The following TRPM8 variants were observed in gnomAD, a reference collection of about 807,000 sequenced individuals.
TRPM8 encodes transient receptor potential cation channel subfamily M member 8.
TRPM8 carries 110 observed loss-of-function variants against 133.7 expected under a neutral mutation model. The ratio of observed to expected loss-of-function variants is 0.82; its 90% confidence interval spans 0.70 to 0.96. The LOEUF (loss-of-function observed/expected upper bound fraction) is 0.96. TRPM8 is among the 40% of genes least tolerant of loss of function. The pLI is 0.00. For synonymous variants in TRPM8, 535 were observed against 532.3 expected (o/e 1.01, Z -0.07); for missense variants, 1,291 against 1,379.5 (o/e 0.94, Z 1.02).
intron 21 of TRPM8, among the ~76,000 whole-genome samples, chr2:233,990,658 T>C (rs373658742): frequency 1.7e-4 from 26 of 152,278 alleles, no homozygotes; most frequent in African/African-American, 5.5e-4. Context: ...AATGTGGGGA[T>C]TTTTCTCTTC....
Position 233,970,388 on chromosome 2 carries a change from T to C in TRPM8, c.2317T>C (p.Ser773Pro). ...VPHPPELVLY[S>P]LVFVLFCDEV... ...ACACCCCCCCGAGCTGGTCCTGTAC[T>C]CGCTGGTCTTTGTCCTCTTCTGTGA... Residue 773 changes from serine (S) to proline (P), a missense_variant, in exon 17 of 26, where the codon TCG (serine) becomes CCG (proline). Coordinates refer to ENST00000324695, the MANE Select transcript of TRPM8 (RefSeq NM_024080.5). 6.2e-7 allele frequency: 1 copy of C among 1,614,132 alleles called. No homozygotes were observed. The highest frequency in any genetic ancestry group is 1.1e-5 in the South Asian group (1 of 91,076).
intron 2 of TRPM8, among the ~76,000 whole-genome samples, chr2:233,929,906 T>C (rs1574693600): frequency 6.6e-6 from 1 of 152,242 alleles, no homozygotes; most frequent in East Asian, 1.9e-4. Flanking sequence ...TTGCATTTGC[T>C]CATTCTGAAT....
At chr2:233,958,836 A>G (rs1691358184) in intron 11 of TRPM8, among the ~76,000 whole-genome samples, 1 of 152,174 alleles carries the variant, frequency 6.6e-6, no homozygotes, top group Non-Finnish European at 1.5e-5. Flanking sequence ...TGCTGTGGGC[A>G]GAAGACATCC....
intron 17 of TRPM8, 25 bp downstream of exon 17, chr2:233,970,451 C>A: frequency 6.2e-7 from 1 of 1,604,868 alleles, no homozygotes; most frequent in Non-Finnish European, 8.5e-7. Context: ...ACAGCAGGAA[C>A]CCCCTCGCTT....
intron 11 of TRPM8, among the ~76,000 whole-genome samples, chr2:233,958,582 T>C (rs889705639): frequency 1.3e-5 from 2 of 152,178 alleles, no homozygotes; most frequent in Non-Finnish European, 2.9e-5. Context: ...CTAGCAAGTG[T>C]GTGACCAGTG....
At position 233,966,549 on chromosome 2, in the gene TRPM8, G is replaced by T; in HGVS notation, c.1880-61G>T. On this transcript the variant is annotated intron_variant, in intron 14 of 25. Transcript: ENST00000324695. The stretch of plus-strand genomic sequence containing the variant: ...CAGGGGTTGGCTGGGGGTGGAAGCA[G>T]GACAGTTTCGGTCATGTGCAGCTCT... 4.4e-6 allele frequency: 7 copies of T among 1,605,402 alleles called. No individual in the cohort carries two copies. In the South Asian group the frequency reaches 7.7e-5, roughly 18 times the overall value.
At chr2:233,922,751 G>A (rs1263687528) in intron 1 of TRPM8, among the ~76,000 whole-genome samples, 1 of 152,148 alleles carries the variant, frequency 6.6e-6, no homozygotes, top group Non-Finnish European at 1.5e-5. Flanking sequence ...TTAAAAAAAT[G>A]TAAACACTGT....
At chr2:233,974,096 A>C (rs1486632251) in intron 17 of TRPM8, among the ~76,000 whole-genome samples, 4 of 152,134 alleles carry the variant, frequency 2.6e-5, no homozygotes, top group Non-Finnish European at 2.9e-5. Context: ...GTAGCACTGG[A>C]GGGGGAAGTG....
chr2:233,972,733 G>A (rs190380530), intron 17 of TRPM8, among the ~76,000 whole-genome samples: 2,015 of 152,304 alleles, frequency 0.013, 45 homozygotes, highest in African/African-American at 0.046. Context: ...CTCATTGCCC[G>A]GGCGGGCAGG....
chr2:233,976,307 A>G (rs899487827), intron 17 of TRPM8, among the ~76,000 whole-genome samples: 2 of 151,874 alleles, frequency 1.3e-5, no homozygotes, highest in African/African-American at 4.8e-5. Context: ...ATCACAGACA[A>G]CTCTGTGCCA....
Position 233,982,034 on chromosome 2 carries a change from C to G in TRPM8, c.2589+119C>G, listed in dbSNP as rs1213306477. 3 of 1,156,044 alleles carry G rather than the reference C, an allele frequency of 2.6e-6. No individual in the cohort carries two copies. The Admixed American group carries it at 8.2e-5, about 32-fold the overall frequency. The allele number at this position is 1,156,044 out of a possible 1,614,324, so 71.6% of individuals were successfully genotyped here. ...GTTGCATTTCACCATCAGTAACATTCGCTTTCTTTGATGTATTTCATCAGG... is the reference window on the plus strand; with the variant it reads ...GTTGCATTTCACCATCAGTAACATTGGCTTTCTTTGATGTATTTCATCAGG... On this transcript the variant is annotated intron_variant, in intron 19 of 25. Coordinates refer to ENST00000324695, the MANE Select transcript of TRPM8 (RefSeq NM_024080.5).
chr2:233,931,108 C>T (rs1439488521), intron 3 of TRPM8, among the ~76,000 whole-genome samples: 1 of 152,116 alleles, frequency 6.6e-6, no homozygotes, highest in Non-Finnish European at 1.5e-5. Flanking sequence ...CTGGCTCCTC[C>T]GTCAGGCTTT....
chr2:233,967,550 A>G (rs1014403337), intron 15 of TRPM8, among the ~76,000 whole-genome samples: 7 of 152,220 alleles, frequency 4.6e-5, no homozygotes, highest in African/African-American at 1.7e-4. Flanking sequence ...TCCAGCTTGC[A>G]CTGCTGTGAA....
intron 17 of TRPM8, among the ~76,000 whole-genome samples, chr2:233,974,887 CAG>C (rs368489444): frequency 6.7e-5 from 10 of 149,218 alleles, no homozygotes; most frequent in African/African-American, 9.9e-5. Context: ...GAGAGAGAGA[CAG>C]AGAGAGAGAG....
rs865867470 is a variant in TRPM8 at position 233,939,249 on chromosome 2, C to G, written c.526+74C>G. On this transcript the variant is annotated intron_variant, in intron 5 of 25. Transcript: ENST00000324695. Reference sequence around the variant, plus strand: ...AGTTTGGGGAGCAGAGAAGGCAGTTCCCGTGTGCAATTCCGGAGAATCCGG... The same window carrying G: ...AGTTTGGGGAGCAGAGAAGGCAGTTGCCGTGTGCAATTCCGGAGAATCCGG... 77 of 1,526,110 alleles carry G rather than the reference C, an allele frequency of 5.0e-5. No homozygotes were observed. The Middle Eastern group carries it at 2.8e-3, about 56-fold the overall frequency. The allele number at this position is 1,526,110 out of a possible 1,614,324, so 94.5% of individuals were successfully genotyped here.
chr2:233,954,469 G>C (rs2125145066), intron 10 of TRPM8, among the ~76,000 whole-genome samples: 1 of 152,282 alleles, frequency 6.6e-6, no homozygotes, highest in South Asian at 2.1e-4. Flanking sequence ...TGAACCTCAG[G>C]TTAAAAAATT....
chr2:233,941,888 A>G (rs1035964547), intron 5 of TRPM8, among the ~76,000 whole-genome samples: 2 of 151,998 alleles, frequency 1.3e-5, no homozygotes, highest in African/African-American at 4.8e-5. Context: ...TCCAACCAAT[A>G]TGGGGGTCCA....
At chr2:233,990,057 G>A (rs961598683) in intron 21 of TRPM8, among the ~76,000 whole-genome samples, 10 of 152,214 alleles carry the variant, frequency 6.6e-5, no homozygotes, top group Admixed American at 1.3e-4. Context: ...ACAAACTAAA[G>A]GTTTGAGTGC....
chr2:233,967,691 A>G (rs116038585), intron 15 of TRPM8, among the ~76,000 whole-genome samples: 7 of 152,340 alleles, frequency 4.6e-5, no homozygotes, highest in African/African-American at 1.7e-4. Context: ...AGACTAAATG[A>G]GAGCATTGAT....
Sources: allele counts gnomAD v4.1 joint callset (sites outside exome capture counted in the v4.1 genomes callset), GRCh38; gene constraint gnomAD v4.1.1; transcripts MANE v1.5; gene names NCBI Gene and HGNC (gene_info 2026-07-23, HGNC 2026-07-21).